PTPRT: variants seen among roughly 807,000 people sequenced by gnomAD.
PTPRT encodes receptor-type tyrosine-protein phosphatase T.
Under a neutral mutation model 176.8 loss-of-function variants are expected in PTPRT, and 56 were observed. The ratio of observed to expected loss-of-function variants is 0.32; its 90% CI spans 0.26 to 0.40. PTPRT has a LOEUF of 0.40. Among genes scored for constraint, PTPRT ranks in the 10% least tolerant of loss-of-function variants. The pLI, the probability that PTPRT is intolerant of heterozygous loss-of-function variation, is 1.00. For synonymous variants in PTPRT, 783 were observed against 739.0 expected (o/e 1.06, Z -0.96); for missense variants, 1,540 against 1,908.2 (o/e 0.81, Z 3.60).
At chr20:42,559,286 T>C (rs948335636) in intron 7 of PTPRT, among the ~76,000 whole-genome samples, 17 of 152,130 alleles carry the variant, frequency 1.1e-4, no homozygotes, top group Admixed American at 1.1e-3. Context: ...CTGGAATTTG[T>C]CTTCATCGTC....
intron 2 of PTPRT, among the ~76,000 whole-genome samples, chr20:42,872,960 C>G (rs532336949): frequency 1.3e-5 from 2 of 152,180 alleles, no homozygotes; most frequent in Non-Finnish European, 2.9e-5. Flanking sequence ...GAGATAATGC[C>G]TACCCAATTC....
intron 1 of PTPRT, among the ~76,000 whole-genome samples, chr20:43,026,317 C>A (rs1172526631): frequency 1.3e-5 from 2 of 152,100 alleles, no homozygotes; most frequent in African/African-American, 4.8e-5. Flanking sequence ...AGGATTTTAC[C>A]ATATTGGCCA....
At chr20:42,640,798 CTG>C (rs1317821832) in intron 7 of PTPRT, among the ~76,000 whole-genome samples, 3 of 152,114 alleles carry the variant, frequency 2.0e-5, no homozygotes, top group African/African-American at 7.2e-5. Context: ...TGGGCTGCCT[CTG>C]TGTCAGTCAG....
At chr20:42,168,992 A>G (rs750107009) in intron 16 of PTPRT, among the ~76,000 whole-genome samples, 9 of 152,196 alleles carry the variant, frequency 5.9e-5, no homozygotes, top group African/African-American at 1.7e-4. Context: ...GCCATTTTCT[A>G]TGGAGCTGAA....
chr20:43,152,880 C>T (rs951493712), intron 1 of PTPRT, among the ~76,000 whole-genome samples: 1 of 152,160 alleles, frequency 6.6e-6, no homozygotes, highest in South Asian at 2.1e-4. Context: ...ACTTGGCATT[C>T]AATTGCAAAA....
At chr20:42,067,975 G>A (rs1343495766), downstream of PTPRT, among the ~76,000 whole-genome samples, 1 of 152,180 alleles carries the variant, frequency 6.6e-6, no homozygotes. Flanking sequence ...GGTATTACAA[G>A]GTGTGTTATA....
At chr20:42,541,940 C>T (rs1006390631) in intron 7 of PTPRT, among the ~76,000 whole-genome samples, 1 of 152,084 alleles carries the variant, frequency 6.6e-6, no homozygotes, top group African/African-American at 2.4e-5. Flanking sequence ...AATTATAGCT[C>T]CCATAATCCC....
intron 1 of PTPRT, among the ~76,000 whole-genome samples, chr20:42,894,944 T>C (rs1277975759): frequency 6.6e-6 from 1 of 152,144 alleles, no homozygotes. Context: ...CCTCACATAG[T>C]AATCGCTGGT....
Position 42,472,382 on chromosome 20 carries a change from G to T in PTPRT, c.1334C>A (p.Ser445Tyr). 1 of 1,614,146 alleles carries T rather than the reference G, an allele frequency of 6.2e-7. No homozygotes were observed. Among genetic ancestry groups the T allele is most frequent in the Non-Finnish European group, 8.5e-7 (1 of 1,180,010 alleles). The change falls in exon 8 of 31, where the codon TCC (serine) becomes TAC (tyrosine). Residue 445 changes from serine (S) to tyrosine (Y), a missense_variant. Transcript: ENST00000373187. The part of the protein sequence containing the change: ...YEAEEVIQTS[S>Y]HYTLRGLRPF... ...GCGCAGGCCTCGCAGGGTGTAGTGGGAGGAGGTCTGGATGACCTCCTCGGC... is the reference window on the plus strand; with the variant it reads ...GCGCAGGCCTCGCAGGGTGTAGTGGTAGGAGGTCTGGATGACCTCCTCGGC...
chr20:42,167,303 A>G (rs540298453), intron 16 of PTPRT, among the ~76,000 whole-genome samples: 2 of 151,938 alleles, frequency 1.3e-5, no homozygotes, highest in Non-Finnish European at 2.9e-5. Context: ...GCTTTCCTTT[A>G]TGACACACCC....
At chr20:42,475,136 C>T (rs1271686839) in intron 7 of PTPRT, among the ~76,000 whole-genome samples, 2 of 152,118 alleles carry the variant, frequency 1.3e-5, no homozygotes, top group Non-Finnish European at 2.9e-5. Context: ...GGAACTGTAG[C>T]CACAAGTGCT....
At chr20:42,999,246 A>G (rs1984393187) in intron 1 of PTPRT, among the ~76,000 whole-genome samples, 1 of 152,230 alleles carries the variant, frequency 6.6e-6, no homozygotes. Flanking sequence ...AGACACACAC[A>G]TACACAAAGA....
At chr20:42,373,933 G>T (rs1182152345) in intron 9 of PTPRT, among the ~76,000 whole-genome samples, 1 of 152,170 alleles carries the variant, frequency 6.6e-6, no homozygotes, top group Admixed American at 6.5e-5. Flanking sequence ...GCAGGAACCA[G>T]GCGGAGAACC....
intron 1 of PTPRT, among the ~76,000 whole-genome samples, chr20:43,047,124 C>T (rs1022146626): frequency 3.3e-5 from 5 of 151,868 alleles, no homozygotes; most frequent in African/African-American, 7.3e-5. Context: ...CTGTTTTCCC[C>T]GATTCGCCCT....
chr20:42,559,307 T>C (rs1385380507), intron 7 of PTPRT, among the ~76,000 whole-genome samples: 2 of 152,154 alleles, frequency 1.3e-5, no homozygotes, highest in African/African-American at 2.4e-5. Context: ...TTTCTTTTTG[T>C]GGCCCCAGAG....
chr20:42,923,460 C>A (rs890011871), intron 1 of PTPRT, among the ~76,000 whole-genome samples: 5 of 152,222 alleles, frequency 3.3e-5, no homozygotes, highest in Non-Finnish European at 5.9e-5. Context: ...GAATGAAGGC[C>A]TCCTGACAGG....
At chr20:42,541,912 C>CA (rs1358862789) in intron 7 of PTPRT, among the ~76,000 whole-genome samples, 1 of 152,012 alleles carries the variant, frequency 6.6e-6, no homozygotes, top group African/African-American at 2.4e-5. Flanking sequence ...GCTGTGTCCC[C>CA]ACCCAAATCT....
intron 16 of PTPRT, among the ~76,000 whole-genome samples, chr20:42,169,408 A>C (rs975396402): frequency 6.6e-6 from 1 of 152,060 alleles, no homozygotes; most frequent in Admixed American, 6.6e-5. Context: ...GGATGGTGTT[A>C]GACACTCTAT....
chr20:43,166,728 G>A (rs1004629316), intron 1 of PTPRT, among the ~76,000 whole-genome samples: 3 of 152,284 alleles, frequency 2.0e-5, no homozygotes, highest in African/African-American at 7.2e-5. Context: ...ACAGATAAGG[G>A]GGGTAAGAGA....
Sources: gnomAD v4.1 joint callset for allele counts (sites outside exome capture counted in the v4.1 genomes callset) on GRCh38, gnomAD v4.1.1 for gene constraint, MANE v1.5 for transcripts, NCBI Gene and HGNC (gene_info 2026-07-23, HGNC 2026-07-21) for gene names.